LDLRAP1: variants seen among roughly 807,000 people sequenced by gnomAD.
The protein encoded by LDLRAP1 is low density lipoprotein receptor adapter protein 1.
A neutral mutation model predicts 37.8 loss-of-function variants in LDLRAP1; 30 were observed. That is an observed-to-expected ratio of 0.79 (90% CI 0.59 to 1.08). The LOEUF is 1.08. Ranked by LOEUF, LDLRAP1 falls within the 50% of genes least tolerant of loss-of-function variation. The probability of loss-of-function intolerance (pLI) is 0.00; values close to 1 mark genes in which losing one functional copy is unlikely to be tolerated. For missense variants in LDLRAP1, 375 were observed against 401.6 expected (o/e 0.93, Z 0.57); for synonymous variants, 156 against 169.8 (o/e 0.92, Z 0.63).
intron 4 of LDLRAP1, among the ~76,000 whole-genome samples, chr1:25,558,396 G>A (rs1172792858): frequency 2.0e-5 from 3 of 152,190 alleles, no homozygotes; most frequent in Non-Finnish European, 4.4e-5. Flanking sequence ...TAGATATTGT[G>A]TAAGTTGTAA....
chr1:25,564,206 C>A (rs958276884), intron 7 of LDLRAP1: 9 of 283,180 alleles, frequency 3.2e-5, no homozygotes, highest in African/African-American at 1.8e-4. Context: ...AGGGCAAGCC[C>A]CCTGACCTCT....
chr1:25,565,227 C>G lies in LDLRAP1; in HGVS notation c.782+20C>G. 1.2e-6 allele frequency: 2 copies of G among 1,613,940 alleles called. No homozygotes were observed. Among genetic ancestry groups the G allele is most frequent in the Non-Finnish European group, 1.7e-6 (2 of 1,179,876 alleles). ...TTCGAGGTAATGCTAGCTTCCTGTG[C>G]TGGGTAGGGGGCCTGGTGTGCGTGG... On this transcript the variant is annotated intron_variant, in intron 8 of 8. Coordinates refer to ENST00000374338, the MANE Select transcript of LDLRAP1 (RefSeq NM_015627.3).
At position 25,562,932 on chromosome 1, in the gene LDLRAP1, G is replaced by A. The variant is rs568320312; in HGVS notation, c.533-138G>A. The A allele has an allele frequency of 1.1e-4, 97 of 915,578 alleles. 1 individual carries two copies. In the African/African-American group the frequency reaches 1.2e-3, roughly 12 times the overall value. The allele number at this position is 915,578 out of a possible 1,614,324, so 56.7% of individuals were successfully genotyped here. ...TGCTTGTGAGGATTAACTGACATCC[G>A]AAAGGTTTCTTTCCTCCCGGCTGGA... On this transcript the variant is annotated intron_variant, in intron 5 of 8. Transcript: ENST00000374338.
chr1:25,554,763 G>GC lies in LDLRAP1; in HGVS notation c.232-93dup. 1 of 925,964 alleles carries GC rather than the reference G, an allele frequency of 1.1e-6. No individual in the cohort carries two copies. Among genetic ancestry groups the GC allele is most frequent in the Non-Finnish European group, 1.7e-6 (1 of 581,432 alleles). The allele number at this position is 925,964 out of a possible 1,614,324, so 57.4% of individuals were successfully genotyped here. A position where few individuals can be genotyped will look rare whatever the true frequency, so the allele number is the denominator to read the frequency against. Reference sequence around the variant, plus strand: ...CTGCCAGTCACCTGAGCTGAGATGGGCCCCGTGCCTGGGGCTTAGGAACAG... The same window carrying GC: ...CTGCCAGTCACCTGAGCTGAGATGGGCCCCCGTGCCTGGGGCTTAGGAACAG... On this transcript the variant is annotated intron_variant, in intron 2 of 8. Transcript: ENST00000374338. This position sits in a 1 kb window ranked among gnomAD's most constrained non-coding sequence, Gnocchi z 5.4.
At chr1:25,562,927 C>A in intron 5 of LDLRAP1, 143 bp from the exon 6 acceptor site, 1 of 884,058 alleles carries the variant, frequency 1.1e-6, no homozygotes, top group Non-Finnish European at 1.9e-6. Context: ...GATTAACTGA[C>A]ATCCGAAAGG....
chr1:25,566,945 A>T lies in LDLRAP1; in HGVS notation c.880A>T (p.Lys294Ter). 1 of 1,613,566 alleles carries T rather than the reference A, an allele frequency of 6.2e-7. No individual in the cohort carries two copies. The highest frequency in any genetic ancestry group is 8.5e-7 in the Non-Finnish European group (1 of 1,180,024). The change falls in exon 9 of 9, where the codon AAG (lysine) becomes TAG (stop). Residue 294 changes from lysine (K) to a stop codon, truncating the protein, a stop_gained. Coordinates refer to ENST00000374338, the MANE Select transcript of LDLRAP1 (RefSeq NM_015627.3). LOFTEE classifies it high-confidence loss of function. ...GTGCCTCTCGCCTGTCGACTGGGAC[A>T]AGCCTGACAGCAGCGGCACAGAGCA... ...AQCLSPVDWD[K>*]PDSSGTEQDD...
the LDLRAP1 span, among the ~76,000 whole-genome samples, chr1:25,587,659 CTG>C: frequency 4.6e-5 from 7 of 152,144 alleles, no homozygotes; most frequent in African/African-American, 1.4e-4. Context: ...GCTGTGGAAA[CTG>C]TGCACATAGG....
intron 1 of LDLRAP1, among the ~76,000 whole-genome samples, chr1:25,545,420 A>G (rs1157564227): frequency 1.3e-5 from 2 of 152,190 alleles, no homozygotes; most frequent in Non-Finnish European, 2.9e-5. Context: ...CGGTTTCCTC[A>G]TCTGCAACAT....
At chr1:25,546,400 G>GCCAGCACCCCAGGCTTCTTTCCAC (rs1553170728) in intron 1 of LDLRAP1, among the ~76,000 whole-genome samples, 4 of 152,230 alleles carry the variant, frequency 2.6e-5, no homozygotes, top group African/African-American at 9.7e-5. Flanking sequence ...ACACAGCAAA[G>GCCAGCACCCCAGGCTTCTTTCCAC]CCAGCACCCC....
At chr1:25,562,311 A>G (rs2044360660) in intron 4 of LDLRAP1, among the ~76,000 whole-genome samples, 1 of 152,230 alleles carries the variant, frequency 6.6e-6, no homozygotes, top group South Asian at 2.1e-4. Flanking sequence ...AGGGAAGCCC[A>G]AAGGGGAAGG....
chr1:25,551,883 A>G (rs1419794968), intron 1 of LDLRAP1, among the ~76,000 whole-genome samples: 1 of 152,064 alleles, frequency 6.6e-6, no homozygotes, highest in Non-Finnish European at 1.5e-5. Context: ...ATTGAGCGCT[A>G]CCTGCATGCC....
intron 1 of LDLRAP1, among the ~76,000 whole-genome samples, chr1:25,546,156 G>T (rs935687079): frequency 6.6e-6 from 1 of 152,170 alleles, no homozygotes; most frequent in Non-Finnish European, 1.5e-5. Flanking sequence ...GGTATGTGGG[G>T]GTGGGGGTGC....
intron 1 of LDLRAP1, among the ~76,000 whole-genome samples, chr1:25,552,667 C>A (rs956182780): frequency 1.3e-4 from 20 of 152,188 alleles, no homozygotes; most frequent in Non-Finnish European, 2.6e-4. Context: ...GTTCATTCAT[C>A]TTTCTTCATG....
Position 25,555,035 on chromosome 1 carries a change from A to T in LDLRAP1, c.344+63A>T, listed in dbSNP as rs1368480446. ...CTTGGGGCAGTGGGTGGAGTATCCC[A>T]TCTGAATCCAGGCTCTACCACTTCC... On this transcript the variant is annotated intron_variant, in intron 3 of 8. Coordinates refer to ENST00000374338, the MANE Select transcript of LDLRAP1 (RefSeq NM_015627.3). This position sits in a 1 kb window ranked among gnomAD's most constrained non-coding sequence, Gnocchi z 4.7. 8.4e-7 allele frequency: 1 copy of T among 1,196,934 alleles called. No individual in the cohort carries two copies. The highest frequency in any genetic ancestry group is 1.8e-5 in the Admixed American group (1 of 56,694). 74.1% of individuals were successfully genotyped at this position (1,196,934 alleles called of 1,614,324 possible).
rs188599156 is a variant in LDLRAP1, at chr1:25,554,562, G to A, written c.232-298G>A. On this transcript the variant is annotated intron_variant, in intron 2 of 8. Coordinates refer to ENST00000374338, the MANE Select transcript of LDLRAP1 (RefSeq NM_015627.3). The surrounding 1 kb of genome is among the most constrained non-coding windows in gnomAD (Gnocchi z 5.4). The stretch of plus-strand genomic sequence containing the variant: ...TGCTAGCTCATTCAGTGCCGAGTCT[G>A]CAGGCCCTTCTAGCTGTGTGTCCTT... Among the ~76,000 whole-genome samples, 13 of 152,376 alleles carry A rather than the reference G, an allele frequency of 8.5e-5. No homozygotes were observed. The East Asian group carries it at 1.7e-3, about 20-fold the overall frequency.
chr1:25,553,523 C>T (rs978826311), intron 1 of LDLRAP1: 1 of 252,246 alleles, frequency 4.0e-6, no homozygotes, highest in African/African-American at 2.2e-5. Flanking sequence ...TACATGGAGC[C>T]TTGGTATGTG....
intron 5 of LDLRAP1, 126 bp from the exon 6 acceptor site, chr1:25,562,944 T>C: frequency 2.1e-6 from 2 of 971,672 alleles, no homozygotes; most frequent in Non-Finnish European, 3.3e-6. Flanking sequence ...AAGGTTTCTT[T>C]CCTCCCGGCT....
downstream of LDLRAP1, among the ~76,000 whole-genome samples, chr1:25,572,671 G>C (rs1467003440): frequency 6.6e-6 from 1 of 152,082 alleles, no homozygotes; most frequent in East Asian, 1.9e-4. Context: ...ATTTTCCACC[G>C]ACTCCATGCC....
At chr1:25,577,723 G>A in the LDLRAP1 span, among the ~76,000 whole-genome samples, 1 of 152,218 alleles carries the variant, frequency 6.6e-6, no homozygotes, top group Non-Finnish European at 1.5e-5. Flanking sequence ...GCGCCGGGTG[G>A]CAGGCTCAGG....
Sources: gnomAD v4.1 joint callset for allele counts (sites outside exome capture counted in the v4.1 genomes callset) on GRCh38, gnomAD v4.1.1 for gene constraint, Gnocchi (gnomAD v3.1) non-coding constraint, MANE v1.5 for transcripts, NCBI Gene and HGNC (gene_info 2026-07-23, HGNC 2026-07-21) for gene names.